The following TET1 variants were observed in gnomAD, a reference collection of about 807,000 sequenced individuals.
The protein encoded by TET1 is tet methylcytosine dioxygenase 1.
In TET1, 13 loss-of-function variants were observed where a neutral mutation model predicts 148.7. The observed-to-expected ratio is 0.09, with a 90% CI of 0.06 to 0.14. The LOEUF is 0.14. Among genes scored for constraint, TET1 ranks in the 10% least tolerant of loss-of-function variants. The pLI, the probability that TET1 is intolerant of heterozygous loss-of-function variation, is 1.00. For missense variants in TET1, 2,182 were observed against 2,553.8 expected, an observed-to-expected ratio of 0.85 and a Z score of 3.14; for synonymous variants, 907 against 937.2, an observed-to-expected ratio of 0.97 and a Z score of 0.59.
chr10:68,572,313 C>T lies in TET1; in HGVS notation c.-26C>T, dbSNP rs762305165. On this transcript the variant is annotated 5_prime_UTR_variant, in exon 2 of 12. Coordinates refer to ENST00000373644, the MANE Select transcript of TET1 (RefSeq NM_030625.3). ...GACCAATGACTCTGTTTCCTGCGCC[C>T]TTTCATTTTTTCCTACTCTGTAGCT... The T allele has an allele frequency of 6.4e-7, 1 of 1,558,978 alleles. No homozygotes were observed. The highest frequency in any genetic ancestry group is 2.2e-5 in the East Asian group (1 of 44,474).
intron 3 of TET1, among the ~76,000 whole-genome samples, chr10:68,618,693 A>G (rs2054328752): frequency 6.6e-6 from 1 of 152,246 alleles, no homozygotes. Context: ...AGCTTATTAT[A>G]ATAGCATAAG....
In TET1 at chr10:68,584,915, G is replaced by A. The variant is rs186826232; in HGVS notation, c.1914+10663G>A. Among the ~76,000 whole-genome samples the A allele has an allele frequency of 6.3e-3, 954 of 151,796 alleles. 11 individuals are homozygous for A. Among genetic ancestry groups the A allele is most frequent in the African/African-American group, 0.022 (901 of 41,414 alleles). On this transcript the variant is annotated intron_variant, in intron 2 of 11. Transcript: ENST00000373644. ...AGCTCACTGCAACCTCCGTCTCCCG[G>A]GTTCAAGCGATTTTCCTGCCTCAGC...
chr10:68,664,674 T>TC (rs1270530481), intron 6 of TET1, among the ~76,000 whole-genome samples: 1 of 147,920 alleles, frequency 6.8e-6, no homozygotes, highest in Non-Finnish European at 1.5e-5. Flanking sequence ...GCCTGCATTT[T>TC]TTTTTTTTTT....
At chr10:68,619,129 A>T (rs2054334368) in intron 3 of TET1, among the ~76,000 whole-genome samples, 1 of 152,166 alleles carries the variant, frequency 6.6e-6, no homozygotes, top group African/African-American at 2.4e-5. Flanking sequence ...TCAGAGGTGC[A>T]GTCTTGATAG....
In TET1 at chr10:68,646,243, G is replaced by A. The variant is rs780170653; in HGVS notation, c.3514G>A (p.Asp1172Asn). ...CACAGTTGTAAGTTATCAAGAAAAT[G>A]ATCGGCAGAAGTGGGAAAAGTTGTC... is the stretch of plus-strand genomic sequence containing the variant. ...KPTVVSYQEN[D>N]RQKWEKLSYM... The change falls in exon 4 of 12, where the codon GAT becomes AAT. Residue 1172 changes from aspartate to asparagine, a missense_variant. Physicochemically the swap from Asp to Asn is conservative, Grantham distance 23. Around this residue, in one of 11 missense-constraint regions of TET1, gnomAD observed 582 missense variants for 599.5 expected, o/e 0.97. Transcript: ENST00000373644. The A allele has an allele frequency of 6.2e-7, 1 of 1,614,180 alleles. No individual in the cohort carries two copies. The highest frequency in any genetic ancestry group is 1.1e-5 in the South Asian group (1 of 91,080).
At chr10:68,644,398 G>A (rs1357391628) in intron 3 of TET1, among the ~76,000 whole-genome samples, 2 of 152,046 alleles carry the variant, frequency 1.3e-5, no homozygotes, top group African/African-American at 4.8e-5. Flanking sequence ...TAGAGACTGG[G>A]TTTCACCATC....
At position 68,630,552 on chromosome 10, in the gene TET1, T is replaced by A. The variant is rs535155104; in HGVS notation, c.1969-14146T>A. Reference sequence around the variant, plus strand: ...TTGGTCTCAAACTGCTGACGTCAGGTGGTCTGTTTGCCTCGGCCTCCCAAA... The same window carrying A: ...TTGGTCTCAAACTGCTGACGTCAGGAGGTCTGTTTGCCTCGGCCTCCCAAA... On this transcript the variant is annotated intron_variant, in intron 3 of 11. Transcript: ENST00000373644. Among the ~76,000 whole-genome samples, 8 of 152,280 alleles carry A rather than the reference T, an allele frequency of 5.3e-5. No individual in the cohort carries two copies. The East Asian group carries it at 1.5e-3, about 29-fold the overall frequency.
intron 6 of TET1, among the ~76,000 whole-genome samples, chr10:68,658,595 G>C (rs2055059587): frequency 6.6e-6 from 1 of 152,166 alleles, no homozygotes; most frequent in African/African-American, 2.4e-5. Context: ...TTCTTCTCTT[G>C]AAATGTTTCC....
intron 2 of TET1, among the ~76,000 whole-genome samples, chr10:68,592,537 T>G (rs145709762): frequency 2.0e-5 from 3 of 152,268 alleles, no homozygotes; most frequent in African/African-American, 7.2e-5. Flanking sequence ...GGCTGGCATC[T>G]CTTCATATGC....
At chr10:68,655,033 A>G (rs2055001377) in intron 6 of TET1, among the ~76,000 whole-genome samples, 1 of 152,192 alleles carries the variant, frequency 6.6e-6, no homozygotes, top group Non-Finnish European at 1.5e-5. Flanking sequence ...GAAGGAAACT[A>G]CAGTGTCTTT....
At chr10:68,569,596 T>C (rs892575115) in intron 1 of TET1, among the ~76,000 whole-genome samples, 1 of 151,986 alleles carries the variant, frequency 6.6e-6, no homozygotes, top group African/African-American at 2.4e-5. Context: ...AGTATCCAAA[T>C]TTGTAAAGAT....
intron 4 of TET1, among the ~76,000 whole-genome samples, chr10:68,649,649 C>T (rs1177050647): frequency 6.6e-6 from 1 of 151,574 alleles, no homozygotes; most frequent in African/African-American, 2.4e-5. Flanking sequence ...TCTAAATATC[C>T]TTACAAATGG....
At chr10:68,608,764 G>A (rs1356511338) in intron 3 of TET1, among the ~76,000 whole-genome samples, 1 of 152,106 alleles carries the variant, frequency 6.6e-6, no homozygotes, top group Non-Finnish European at 1.5e-5. Flanking sequence ...GCCAACTCCT[G>A]ACCTCAGGTG....
chr10:68,616,145 G>A (rs1564969864), intron 3 of TET1, among the ~76,000 whole-genome samples: 1 of 152,126 alleles, frequency 6.6e-6, no homozygotes, highest in Non-Finnish European at 1.5e-5. Context: ...AATTAACATT[G>A]ATACAATGCT....
chr10:68,644,881 T>C lies in TET1; in HGVS notation c.2152T>C (p.Leu718=), dbSNP rs780611248. ...EKWTQNKKSQ[L]TDHVKGDFSA... ...GTGGACACAAAACAAGAAATCACAG[T>C]TAACTGATCACGTGAAAGGAGATTT... The change falls in exon 4 of 12, where the codon TTA becomes CTA. Residue 718 remains leucine (L), a synonymous_variant. Transcript: ENST00000373644. 6.2e-7 allele frequency: 1 copy of C among 1,613,298 alleles called. No individual in the cohort carries two copies. Among genetic ancestry groups the C allele is most frequent in the Non-Finnish European group, 8.5e-7 (1 of 1,179,704 alleles).
rs753827682 is a variant in TET1, at chr10:68,645,600, A to G, written c.2871A>G (p.Pro957=). 1.5e-5 allele frequency: 25 copies of G among 1,614,086 alleles called. No individual in the cohort carries two copies. The African/African-American group carries it at 2.9e-4, about 19-fold the overall frequency. The part of the protein sequence containing the change: ...QGEPPKLNHC[P]SLEKQSSCNT... The stretch of plus-strand genomic sequence containing the variant: ...AGCCACCAAAACTTAATCACTGTCC[A>G]TCTTTGGAAAAACAAAGTTCATGCA... Residue 957 remains proline (P), a synonymous_variant, in exon 4 of 12, where the codon CCA becomes CCG. Coordinates refer to ENST00000373644, the MANE Select transcript of TET1 (RefSeq NM_030625.3).
At position 68,694,444 on chromosome 10, in the gene TET1, G is replaced by A. The variant is rs1184418677; in HGVS notation, c.*2630G>A. The A allele has an allele frequency of 4.3e-6, 1 of 231,872 alleles. No homozygotes were observed. Among genetic ancestry groups the A allele is most frequent in the African/African-American group, 2.2e-5 (1 of 45,250 alleles). The allele number at this position is 231,872 out of a possible 1,614,324, so 14.4% of individuals were successfully genotyped here. Reference sequence around the variant, plus strand: ...CTTTTAGAATGCTCTTTCTCATGAAGCAAGGAAATAAATTTGTTTGAAATG... The same window carrying A: ...CTTTTAGAATGCTCTTTCTCATGAAACAAGGAAATAAATTTGTTTGAAATG... On this transcript the variant is annotated 3_prime_UTR_variant, in exon 12 of 12. Coordinates refer to ENST00000373644, the MANE Select transcript of TET1 (RefSeq NM_030625.3).
At chr10:68,652,237 A>G (rs2054946985) in intron 5 of TET1, among the ~76,000 whole-genome samples, 1 of 152,216 alleles carries the variant, frequency 6.6e-6, no homozygotes, top group Non-Finnish European at 1.5e-5. Flanking sequence ...TTGACACTGC[A>G]TACCCTACAT....
intron 3 of TET1, among the ~76,000 whole-genome samples, chr10:68,639,467 T>TATTATC (rs1554941112): frequency 4.2e-5 from 2 of 47,854 alleles, no homozygotes; most frequent in Admixed American, 4.9e-4. Flanking sequence ...CTACTACTAC[T>TATTATC]ATTATTATTA....
Sources: allele counts gnomAD v4.1 joint callset (sites outside exome capture counted in the v4.1 genomes callset), GRCh38; gene constraint gnomAD v4.1.1; regional missense constraint gnomAD v4.1.1; transcripts MANE v1.5; gene names NCBI Gene and HGNC (gene_info 2026-07-23, HGNC 2026-07-21).